The following ATP8A2 variants were observed in gnomAD, a reference collection of about 807,000 sequenced individuals.
The protein encoded by ATP8A2 is phospholipid-transporting ATPase IB.
A neutral mutation model predicts 165.6 loss-of-function variants in ATP8A2; 100 were observed. That is an observed-to-expected ratio of 0.60 (90% CI 0.51 to 0.71). The LOEUF is 0.71. ATP8A2 is among the 30% of genes least tolerant of loss of function. The pLI is 0.00. For missense variants in ATP8A2, 1,227 were observed against 1,479.5 expected (o/e 0.83, Z 2.80); for synonymous variants, 543 against 548.8 (o/e 0.99, Z 0.15).
chr13:25,683,593 C>T lies in ATP8A2; in HGVS notation c.2212-15580C>T, dbSNP rs375783862. On this transcript the variant is annotated intron_variant, in intron 24 of 36. Coordinates refer to ENST00000381655, the MANE Select transcript of ATP8A2 (RefSeq NM_016529.6). ...TTAACCAGTAGGGAGAGGTAGGAGC[C>T]GTGCGGAATTACAAATGGTGGCTTC... 7.9e-5 allele frequency among the ~76,000 whole-genome samples: 12 copies of T among 151,980 alleles called. No homozygotes were observed. The East Asian group carries it at 1.9e-3, about 24-fold the overall frequency.
intron 25 of ATP8A2, among the ~76,000 whole-genome samples, chr13:25,740,300 C>A (rs1467161905): frequency 1.5e-5 from 2 of 132,288 alleles, no homozygotes; most frequent in Non-Finnish European, 3.1e-5. Flanking sequence ...CAGAGCAAGG[C>A]TCTATCTCAA....
chr13:25,819,426 A>G (rs1951109710), intron 27 of ATP8A2, among the ~76,000 whole-genome samples: 1 of 152,120 alleles, frequency 6.6e-6, no homozygotes, highest in South Asian at 2.1e-4. Context: ...TACTACTGTT[A>G]TTATTATTCC....
At chr13:25,572,296 G>T (rs760949257) in intron 18 of ATP8A2, among the ~76,000 whole-genome samples, 2 of 152,120 alleles carry the variant, frequency 1.3e-5, no homozygotes, top group Non-Finnish European at 2.9e-5. Flanking sequence ...GTGCCACCAC[G>T]CCTGACTAAT....
chr13:25,747,733 G>A (rs1054350071), intron 25 of ATP8A2, among the ~76,000 whole-genome samples: 5 of 152,110 alleles, frequency 3.3e-5, no homozygotes, highest in African/African-American at 1.2e-4. Flanking sequence ...AAAATCCCCC[G>A]AAGTATGGAT....
At chr13:25,963,401 A>AG (rs1955706238) in intron 34 of ATP8A2, among the ~76,000 whole-genome samples, 1 of 142,968 alleles carries the variant, frequency 7.0e-6, no homozygotes, top group East Asian at 2.1e-4. Flanking sequence ...CTCAAAAAAA[A>AG]AAAAAAAAAG....
intron 33 of ATP8A2, among the ~76,000 whole-genome samples, chr13:25,899,374 A>T (rs1434425268): frequency 6.6e-6 from 1 of 152,202 alleles, no homozygotes; most frequent in East Asian, 1.9e-4. Flanking sequence ...CTGCCTGGGT[A>T]TGTCTGACAA....
intron 28 of ATP8A2, among the ~76,000 whole-genome samples, chr13:25,833,551 G>A (rs868538001): frequency 1.3e-5 from 2 of 152,082 alleles, no homozygotes; most frequent in Non-Finnish European, 2.9e-5. Flanking sequence ...AGTCAGATGT[G>A]TAATACATGA....
intron 24 of ATP8A2, among the ~76,000 whole-genome samples, chr13:25,663,731 C>T (rs1010498306): frequency 8.5e-5 from 13 of 152,282 alleles, no homozygotes; most frequent in African/African-American, 3.1e-4. Context: ...CCATAGTATA[C>T]AGGACTGCTT....
chr13:25,449,036 T>A (rs2035143050), intron 1 of ATP8A2, among the ~76,000 whole-genome samples: 1 of 152,188 alleles, frequency 6.6e-6, no homozygotes, highest in Admixed American at 6.5e-5. Flanking sequence ...AAAAAAATCC[T>A]CATGATTTCC....
At chr13:25,378,667 C>A (rs1435615346) in intron 1 of ATP8A2, among the ~76,000 whole-genome samples, 1 of 152,094 alleles carries the variant, frequency 6.6e-6, no homozygotes, top group Non-Finnish European at 1.5e-5. Context: ...GGGTGAATAG[C>A]TACAGGGTTC....
chr13:25,484,901 G>A (rs1286684241), intron 2 of ATP8A2, among the ~76,000 whole-genome samples: 1 of 152,168 alleles, frequency 6.6e-6, no homozygotes. Context: ...AAGTATTGCT[G>A]TCTAGCATAT....
At chr13:25,596,455 C>G (rs907737271) in intron 24 of ATP8A2, among the ~76,000 whole-genome samples, 3 of 152,178 alleles carry the variant, frequency 2.0e-5, no homozygotes, top group African/African-American at 7.2e-5. Flanking sequence ...TCCATATCCC[C>G]AGGCAAGCAC....
chr13:25,422,087 T>A (rs768643291), intron 1 of ATP8A2, among the ~76,000 whole-genome samples: 1 of 152,296 alleles, frequency 6.6e-6, no homozygotes, highest in African/African-American at 2.4e-5. Flanking sequence ...TGAGCTCTGG[T>A]TTTCAGAAAA....
intron 35 of ATP8A2, among the ~76,000 whole-genome samples, chr13:25,973,574 T>TA (rs924691621): frequency 2.0e-5 from 3 of 152,118 alleles, no homozygotes; most frequent in African/African-American, 7.2e-5. Flanking sequence ...CCAGTCGTAT[T>TA]AAAAAAATGA....
intron 25 of ATP8A2, among the ~76,000 whole-genome samples, chr13:25,748,771 A>T (rs984723298): frequency 6.6e-6 from 1 of 152,188 alleles, no homozygotes; most frequent in East Asian, 1.9e-4. Context: ...GTGAGCCATT[A>T]CTTGTGACCC....
Position 25,742,671 on chromosome 13 carries a change from C to G in ATP8A2, c.2385-26375C>G, listed in dbSNP as rs965844825. 7.3e-4 allele frequency among the ~76,000 whole-genome samples: 100 copies of G among 136,540 alleles called. 1 individual carries two copies. Among genetic ancestry groups the G allele is most frequent in the African/African-American group, 2.1e-3 (77 of 36,138 alleles). 89.6% of individuals were successfully genotyped at this position (136,540 alleles called of 152,430 possible). Reference sequence around the variant, plus strand: ...ACTCCACTTTTCTCTCTCTCTCTCTCTCTCTCTGTCTTTTTTTTTTTTTTT... The same window carrying G: ...ACTCCACTTTTCTCTCTCTCTCTCTGTCTCTCTGTCTTTTTTTTTTTTTTT... On this transcript the variant is annotated intron_variant, in intron 25 of 36. Coordinates refer to ENST00000381655, the MANE Select transcript of ATP8A2 (RefSeq NM_016529.6).
At chr13:25,374,427 G>A (rs2137897914) in intron 1 of ATP8A2, among the ~76,000 whole-genome samples, 1 of 152,342 alleles carries the variant, frequency 6.6e-6, no homozygotes, top group East Asian at 1.9e-4. Flanking sequence ...TGCAGAAAAG[G>A]CAGGGGGAGA....
Position 25,513,633 on chromosome 13 carries a change from C to T in ATP8A2, c.222-16366C>T, listed in dbSNP as rs537113922. 5.3e-3 allele frequency among the ~76,000 whole-genome samples: 801 copies of T among 152,018 alleles called. 12 individuals are homozygous for T. The highest frequency in any genetic ancestry group is 3.8e-3 in the Non-Finnish European group (258 of 67,966). On this transcript the variant is annotated intron_variant, in intron 2 of 36. Coordinates refer to ENST00000381655, the MANE Select transcript of ATP8A2 (RefSeq NM_016529.6). ...CTGGGAGGTGGAGGTTGTAGCGAGC[C>T]GAGATCACGCCACTGCACTCCAGCC...
intron 33 of ATP8A2, among the ~76,000 whole-genome samples, chr13:25,904,141 C>T (rs1430174472): frequency 6.6e-6 from 1 of 152,170 alleles, no homozygotes; most frequent in Non-Finnish European, 1.5e-5. Context: ...CTCTAGCAAG[C>T]GTTTCCTCTG....
Sources: allele counts gnomAD v4.1 joint callset (sites outside exome capture counted in the v4.1 genomes callset), GRCh38; gene constraint gnomAD v4.1.1; transcripts MANE v1.5; gene names NCBI Gene and HGNC (gene_info 2026-07-23, HGNC 2026-07-21).